Variants in SNAP23 observed in about 807,000 individuals in gnomAD.
SNAP23 encodes the protein synaptosome associated protein 23.
A neutral mutation model predicts 29.0 loss-of-function variants in SNAP23; 11 were observed. That is an observed-to-expected ratio of 0.38 (90% CI 0.24 to 0.63). SNAP23 has a LOEUF of 0.63. Among genes scored for constraint, SNAP23 ranks in the 20% least tolerant of loss-of-function variants. The pLI is 0.58. For synonymous variants in SNAP23, 60 were observed against 82.9 expected (o/e 0.72, Z 1.50); for missense variants, 220 against 253.9 (o/e 0.87, Z 0.91).
chr15:42,516,149 T>G (rs1210190272), intron 5 of SNAP23, among the ~76,000 whole-genome samples: 3 of 152,198 alleles, frequency 2.0e-5, no homozygotes, highest in African/African-American at 4.8e-5. Flanking sequence ...ATTGAATGAC[T>G]GTACTCACTG....
rs901186860 is a variant in SNAP23, at chr15:42,532,187, G to C, written c.*709G>C. Reference sequence around the variant, plus strand: ...GCTCACTGCAACCTCCGCCTCCCTGGTTCAAGCAATTCTCCTGCCTTGCCT... The same window carrying C: ...GCTCACTGCAACCTCCGCCTCCCTGCTTCAAGCAATTCTCCTGCCTTGCCT... On this transcript the variant is annotated 3_prime_UTR_variant, in exon 8 of 8. Transcript: ENST00000249647. 2.6e-5 allele frequency: 4 copies of C among 152,142 alleles called. No homozygotes were observed. The highest frequency in any genetic ancestry group is 9.7e-5 in the African/African-American group (4 of 41,404). The allele number at this position is 152,142 out of a possible 1,614,324, so 9.4% of individuals were successfully genotyped here. A position where few individuals can be genotyped will look rare whatever the true frequency, so the allele number is the denominator to read the frequency against.
rs34865842 is a variant in SNAP23, at chr15:42,519,055, CTT to C, written c.266+3717_266+3718del. ...TTTTTAAAAACTTTTGTTTCTTCTT[CTT>C]TTTTTTTTTTTTTTTGAGACGGAGT... On this transcript the variant is annotated intron_variant, in intron 5 of 7. Transcript: ENST00000249647. Among the ~76,000 whole-genome samples the C allele has an allele frequency of 4.1e-3, 531 of 130,694 alleles. 3 individuals carry two copies. The highest frequency in any genetic ancestry group is 0.015 in the African/African-American group (486 of 32,270). 85.7% of individuals were successfully genotyped at this position (130,694 alleles called of 152,430 possible).
chr15:42,528,087 C>T, intron 5 of SNAP23, 175 bp from the exon 6 acceptor site: 1 of 541,094 alleles, frequency 1.8e-6, no homozygotes, highest in Non-Finnish European at 3.2e-6. Flanking sequence ...TTACATAATT[C>T]ATCTATTTCC....
chr15:42,531,344 A>C, intron 7 of SNAP23, 69 bp from the exon 8 acceptor site: 1 of 1,065,018 alleles, frequency 9.4e-7, no homozygotes, highest in Non-Finnish European at 1.3e-6. Context: ...CAGTTACTCC[A>C]AGTGTAAAAA....
intron 5 of SNAP23, among the ~76,000 whole-genome samples, chr15:42,525,262 G>A (rs1213881921): frequency 1.3e-5 from 2 of 151,128 alleles, no homozygotes; most frequent in African/African-American, 2.4e-5. Flanking sequence ...CAGCTATTCG[G>A]GAGGCTGAGG....
chr15:42,511,731 A>G, intron 1 of SNAP23, 102 bp from the exon 2 acceptor site: 2 of 546,798 alleles, frequency 3.7e-6, no homozygotes, highest in East Asian at 3.2e-5. Context: ...TGTTTTCCTG[A>G]TAAGTTCCTA....
At chr15:42,514,424 T>A (rs1406223553) in intron 4 of SNAP23, among the ~76,000 whole-genome samples, 1 of 150,880 alleles carries the variant, frequency 6.6e-6, no homozygotes, top group Non-Finnish European at 1.5e-5. Context: ...GCTGGGATTA[T>A]AGGCGTGAGC....
chr15:42,498,654 A>G (rs1490908914), intron 1 of SNAP23, among the ~76,000 whole-genome samples: 1 of 152,214 alleles, frequency 6.6e-6, no homozygotes, highest in African/African-American at 2.4e-5. Flanking sequence ...GCTCCTTGTT[A>G]CTTAACGCAA....
chr15:42,502,129 G>A (rs1194836822), intron 1 of SNAP23, among the ~76,000 whole-genome samples: 1 of 149,576 alleles, frequency 6.7e-6, no homozygotes, highest in Non-Finnish European at 1.5e-5. Context: ...CCAGGTTCAC[G>A]CCATTCTCCT....
intron 5 of SNAP23, chr15:42,521,516 A>G: frequency 7.0e-7 from 1 of 1,424,216 alleles, no homozygotes. Context: ...TTAAAACTTT[A>G]AACCTGCTTC....
chr15:42,520,766 T>G (rs1354327701), intron 5 of SNAP23, among the ~76,000 whole-genome samples: 2 of 152,220 alleles, frequency 1.3e-5, no homozygotes, highest in Non-Finnish European at 2.9e-5. Flanking sequence ...AGTGTTGGGA[T>G]TACAGGCGTG....
rs369461741 is a variant in SNAP23 at position 42,511,872 on chromosome 15, T to C, written c.26T>C (p.Ile9Thr). ...ATGGATAATCTGTCATCAGAAGAAA[T>C]TCAACAGAGAGCTCACCAGATTACT... The part of the protein sequence containing the change: MDNLSSEE[I>T]QQRAHQITDE... Residue 9 changes from isoleucine (I) to threonine (T), a missense_variant, in exon 2 of 8, where the codon ATT (isoleucine) becomes ACT (threonine). Transcript: ENST00000249647. 6.3e-7 allele frequency: 1 copy of C among 1,598,478 alleles called. No homozygotes were observed. Among genetic ancestry groups the C allele is most frequent in the Non-Finnish European group, 8.5e-7 (1 of 1,171,580 alleles).
intron 5 of SNAP23, among the ~76,000 whole-genome samples, chr15:42,519,660 G>A (rs1296074723): frequency 6.6e-6 from 1 of 151,850 alleles, no homozygotes; most frequent in Non-Finnish European, 1.5e-5. Context: ...ATGAGCCACC[G>A]TACCTGGACT....
intron 1 of SNAP23, among the ~76,000 whole-genome samples, chr15:42,501,182 G>A (rs527495612): frequency 6.6e-6 from 1 of 152,176 alleles, no homozygotes; most frequent in African/African-American, 2.4e-5. Flanking sequence ...AAACTTCTTG[G>A]TATAGTATAC....
intron 1 of SNAP23, among the ~76,000 whole-genome samples, chr15:42,509,875 C>A (rs977603058): frequency 1.1e-4 from 17 of 152,042 alleles, no homozygotes; most frequent in African/African-American, 3.6e-4. Flanking sequence ...TCGAGATCAG[C>A]CTGGCCAACA....
intron 5 of SNAP23, among the ~76,000 whole-genome samples, chr15:42,518,274 G>T (rs77297959): frequency 6.6e-6 from 1 of 151,916 alleles, no homozygotes; most frequent in Non-Finnish European, 1.5e-5. Flanking sequence ...AGTTAGGCTC[G>T]TCACATGAAT....
chr15:42,505,879 TCCTCCCTTCCTCCCTC>T (rs2057313052), intron 1 of SNAP23, among the ~76,000 whole-genome samples: 1 of 151,332 alleles, frequency 6.6e-6, no homozygotes, highest in African/African-American at 2.4e-5. Flanking sequence ...TTTTCTTATC[TCCTCCCTTCCTCCCTC>T]CCTCCCTTCC....
At chr15:42,493,352 C>CTA (rs1228335305), upstream of SNAP23, among the ~76,000 whole-genome samples, 504 of 148,440 alleles carry the variant, frequency 3.4e-3, 3 homozygotes, top group African/African-American at 0.01. Context: ...CTCTCTCTCT[C>CTA]TCTATATATA....
At chr15:42,521,537 G>T in intron 5 of SNAP23, 2 of 1,502,158 alleles carry the variant, frequency 1.3e-6, no homozygotes, top group South Asian at 2.5e-5. Flanking sequence ...TGTTCTGTTT[G>T]ACTGGCATTT....
Sources: gnomAD v4.1 joint callset for allele counts (sites outside exome capture counted in the v4.1 genomes callset) on GRCh38, gnomAD v4.1.1 for gene constraint, MANE v1.5 for transcripts, NCBI Gene and HGNC (gene_info 2026-07-23, HGNC 2026-07-21) for gene names.